APOL3: variants seen among roughly 807,000 people sequenced by gnomAD.
The protein encoded by APOL3 is TNF-inducible protein CG12-1.
A neutral mutation model predicts 11.6 loss-of-function variants in APOL3; 14 were observed. The ratio of observed to expected loss-of-function variants is 1.21; its 90% CI spans 0.80 to 1.89. APOL3 has a LOEUF of 1.89. Among genes scored for constraint, APOL3 ranks in the 40% most tolerant of loss-of-function variants. The probability of loss-of-function intolerance (pLI) is 0.00; values close to 1 mark genes in which losing one functional copy is unlikely to be tolerated. For synonymous variants in APOL3, 192 were observed against 190.6 expected, an observed-to-expected ratio of 1.01 and a Z score of -0.06; for missense variants, 483 against 492.1, an observed-to-expected ratio of 0.98 and a Z score of 0.17.
At chr22:36,164,447 T>C (rs899177321), upstream of APOL3, 1 of 152,214 alleles carries the variant, frequency 6.6e-6, no homozygotes, top group Non-Finnish European at 1.5e-5. Flanking sequence ...GACTAAGCAC[T>C]CCTTTGTCTT....
intron 1 of APOL3, chr22:36,149,127 G>T: frequency 7.3e-7 from 1 of 1,367,522 alleles, no homozygotes; most frequent in Non-Finnish European, 9.8e-7. Flanking sequence ...GGAAGGGTTC[G>T]TTTTTTTTCT....
At chr22:36,145,020 AAAAAAGAAAAAAAAAGAAAAAAAAAG>A in intron 2 of APOL3, among the ~76,000 whole-genome samples, 1 of 98,828 alleles carries the variant, frequency 1.0e-5, no homozygotes, top group South Asian at 3.6e-4. Flanking sequence ...AAAAAAAAAA[AAAAAAGAAAAAAAAAGAAAAAAAAAG>A]AAAAACACTT....
At chr22:36,163,251 A>G (rs13053490), upstream of APOL3, among the ~76,000 whole-genome samples, 6,691 of 152,278 alleles carry the variant, frequency 0.044, 178 homozygotes, top group Middle Eastern at 0.085. Context: ...AATTTTTAAA[A>G]TTACTGATTA....
rs2060162593 is a variant in APOL3 at position 36,145,496 on chromosome 22, G to GA, written c.326dup (p.Val110ArgfsTer5). 1 of 1,614,056 alleles carries GA rather than the reference G, an allele frequency of 6.2e-7. No individual in the cohort carries two copies. Among genetic ancestry groups the GA allele is most frequent in the South Asian group, 1.1e-5 (1 of 91,048 alleles). ...ACCTGGGCAATTCAGCCGCAGTCAC[G>GA]AATCTCTTCCAGGCTTCATTGTTAG... On this transcript the variant is annotated frameshift_variant, in exon 2 of 3. Transcript: ENST00000349314. LOFTEE classifies it low-confidence loss of function (END_TRUNC).
At chr22:36,163,676 G>A (rs992878477), upstream of APOL3, among the ~76,000 whole-genome samples, 2 of 152,208 alleles carry the variant, frequency 1.3e-5, no homozygotes, top group African/African-American at 4.8e-5. Flanking sequence ...CAGGGGAGGC[G>A]GAGCCTCCAT....
At chr22:36,140,963 A>T in exon 3 of APOL3, 1 of 539,338 alleles carries the variant, frequency 1.9e-6, no homozygotes. Flanking sequence ...TATTCCCCAC[A>T]CTCTCCAGTC....
intron 1 of APOL3, among the ~76,000 whole-genome samples, chr22:36,148,789 G>T (rs760565282): frequency 6.6e-6 from 1 of 152,194 alleles, no homozygotes; most frequent in South Asian, 2.1e-4. Context: ...TGCCCCACTT[G>T]AGTCGTTTGC....
chr22:36,155,923 G>A (rs949250768), intron 1 of APOL3: 80 of 179,290 alleles, frequency 4.5e-4, no homozygotes, highest in Middle Eastern at 2.0e-3. Flanking sequence ...GTTCCTGGAG[G>A]AGGCCCAGAC....
chr22:36,159,045 A>G (rs1202218564), intron 1 of APOL3, among the ~76,000 whole-genome samples: 4 of 152,054 alleles, frequency 2.6e-5, no homozygotes, highest in Non-Finnish European at 5.9e-5. Flanking sequence ...TTTGGTTGCC[A>G]GCATGTCAAA....
chr22:36,144,139 T>C (rs1201782270), intron 2 of APOL3, among the ~76,000 whole-genome samples: 1 of 152,138 alleles, frequency 6.6e-6, no homozygotes, highest in Non-Finnish European at 1.5e-5. Flanking sequence ...CCATCAGTGA[T>C]GGGATCAAAT....
chr22:36,149,258 C>A (rs564752728), intron 1 of APOL3, 116 bp from the exon 2 acceptor site: 3 of 1,305,460 alleles, frequency 2.3e-6, no homozygotes, highest in Admixed American at 2.3e-5. Context: ...CCAAGACCAA[C>A]CTAGCCCGGT....
chr22:36,156,113 AT>A (rs879393286), intron 1 of APOL3: 1,192 of 153,584 alleles, frequency 7.8e-3, no homozygotes, highest in South Asian at 0.021. Flanking sequence ...TATTTTCAAT[AT>A]TTTTTTTTTT....
chr22:36,165,032 T>C (rs996504249), upstream of APOL3: 3 of 152,156 alleles, frequency 2.0e-5, no homozygotes, highest in South Asian at 2.1e-4. Context: ...TCTCTGCTTG[T>C]CTGCTAATTA....
At chr22:36,153,325 TGATGGAG>T in intron 1 of APOL3, 1 of 452,030 alleles carries the variant, frequency 2.2e-6, no homozygotes, top group Non-Finnish European at 4.5e-6. Flanking sequence ...ACCTTAAAGT[TGATGGAG>T]AAGTGTGAGC....
At chr22:36,153,441 G>A (rs1182702955) in intron 1 of APOL3, 2 of 455,700 alleles carry the variant, frequency 4.4e-6, no homozygotes, top group African/African-American at 4.0e-5. Context: ...GAAAAGTACG[G>A]ATGTTGTCAT....
chr22:36,152,304 A>G (rs2011869619), intron 1 of APOL3, among the ~76,000 whole-genome samples: 1 of 152,258 alleles, frequency 6.6e-6, no homozygotes, highest in Admixed American at 6.5e-5. Flanking sequence ...GCCGTGCAGC[A>G]AAACATGTGC....
At chr22:36,163,683 C>G (rs1185307788), upstream of APOL3, among the ~76,000 whole-genome samples, 1 of 152,200 alleles carries the variant, frequency 6.6e-6, no homozygotes, top group Non-Finnish European at 1.5e-5. Context: ...GGCGGAGCCT[C>G]CATCTAAAGA....
At chr22:36,153,458 T>A (rs941592372) in intron 1 of APOL3, 2 of 455,166 alleles carry the variant, frequency 4.4e-6, no homozygotes, top group African/African-American at 4.0e-5. Context: ...TCATTTTATG[T>A]TAAACTGTTA....
exon 3 of APOL3, chr22:36,141,635 G>C: frequency 1.2e-6 from 2 of 1,614,180 alleles, no homozygotes; most frequent in Non-Finnish European, 1.7e-6. Context: ...GGTCAATGCT[G>C]GTTGCAGTCA....
Sources: gnomAD v4.1 joint callset for allele counts (sites outside exome capture counted in the v4.1 genomes callset) on GRCh38, gnomAD v4.1.1 for gene constraint, MANE v1.5 for transcripts, NCBI Gene and HGNC (gene_info 2026-07-23, HGNC 2026-07-21) for gene names.